PADI3: variants seen among roughly 807,000 people sequenced by gnomAD.
PADI3 encodes the protein protein-arginine deiminase type-3.
Under a neutral mutation model 71.5 loss-of-function variants are expected in PADI3, and 53 were observed. The observed-to-expected ratio is 0.74, with a 90% CI of 0.59 to 0.93. PADI3 has a LOEUF of 0.93. Among genes scored for constraint, PADI3 ranks in the 40% least tolerant of loss-of-function variants. The pLI is 0.00. For missense variants in PADI3, 821 were observed against 868.0 expected, an observed-to-expected ratio of 0.95 and a Z score of 0.68; for synonymous variants, 361 against 347.5, an observed-to-expected ratio of 1.04 and a Z score of -0.43.
Position 17,267,898 on chromosome 1 carries a change from C to A in PADI3, c.588C>A (p.Asp196Glu). ...RTQGPAALFDDHKLVLHTSSY... is the reference protein window; with the variant it reads ...RTQGPAALFDEHKLVLHTSSY... ...AGGGCCCTGCAGCCCTCTTTGATGA[C>A]CACAAACTTGTCCTCCATACCTCCA... Residue 196 changes from aspartate to glutamate, a missense_variant, in exon 6 of 16, where the codon GAC becomes GAA. By Grantham distance (45) the Asp-to-Glu change is conservative. Coordinates refer to ENST00000375460, the MANE Select transcript of PADI3 (RefSeq NM_016233.2). The A allele has an allele frequency of 1.2e-6, 2 of 1,614,146 alleles. No homozygotes were observed. The highest frequency in any genetic ancestry group is 1.3e-5 in the African/African-American group (1 of 75,052).
At chr1:17,258,588 G>A (rs2073058188) in intron 1 of PADI3, among the ~76,000 whole-genome samples, 3 of 152,278 alleles carry the variant, frequency 2.0e-5, no homozygotes, top group Admixed American at 2.0e-4. Flanking sequence ...GAACAGCATG[G>A]GCTTGGAGTC....
At position 17,268,498 on chromosome 1, in the gene PADI3, C is replaced by CTTTTTTT. The variant is rs564947321; in HGVS notation, c.652+557_652+563dup. ...AAAAATGTATACAAGTAATAAGATG[C>CTTTTTTT]TTTTTTTTTTTTTTTTTTTTTTTTT... On this transcript the variant is annotated intron_variant, in intron 6 of 15. Coordinates refer to ENST00000375460, the MANE Select transcript of PADI3 (RefSeq NM_016233.2). Among the ~76,000 whole-genome samples, 141 of 89,416 alleles carry CTTTTTTT rather than the reference C, an allele frequency of 1.6e-3. 21 individuals are homozygous for CTTTTTTT. Among genetic ancestry groups the CTTTTTTT allele is most frequent in the African/African-American group, 5.8e-3 (124 of 21,226 alleles). 58.7% of individuals were successfully genotyped at this position (89,416 alleles called of 152,430 possible). A position where few individuals can be genotyped will look rare whatever the true frequency, so the allele number is the denominator to read the frequency against.
At chr1:17,254,196 G>A (rs2072999579) in intron 1 of PADI3, among the ~76,000 whole-genome samples, 1 of 152,168 alleles carries the variant, frequency 6.6e-6, no homozygotes, top group East Asian at 1.9e-4. Flanking sequence ...GGCTGGCAGC[G>A]TCGGCGGATC....
intron 1 of PADI3, among the ~76,000 whole-genome samples, 177 bp downstream of exon 1, chr1:17,249,406 T>C (rs970854290): frequency 1.3e-5 from 2 of 152,112 alleles, no homozygotes; most frequent in African/African-American, 4.8e-5. Flanking sequence ...CTGAAGACCT[T>C]AGCCAGGGAA....
At chr1:17,249,379 T>C (rs1356634850) in intron 1 of PADI3, 150 bp downstream of exon 1, 1 of 676,198 alleles carries the variant, frequency 1.5e-6, no homozygotes, top group East Asian at 2.7e-5. Context: ...GGTCCTCCTC[T>C]TGCTCTACTG....
At chr1:17,259,897 T>G (rs1401517858) in intron 2 of PADI3, 139 bp downstream of exon 2, 1 of 663,030 alleles carries the variant, frequency 1.5e-6, no homozygotes, top group Non-Finnish European at 2.5e-6. Context: ...ATACTGCTGA[T>G]TTTGAATCCC....
intron 4 of PADI3, among the ~76,000 whole-genome samples, chr1:17,266,269 C>A (rs1039558045): frequency 6.6e-6 from 1 of 152,096 alleles, no homozygotes; most frequent in Non-Finnish European, 1.5e-5. Context: ...GAACTTGGTG[C>A]CCTGGGAGTT....
At position 17,272,392 on chromosome 1, in the gene PADI3, C is replaced by T. The variant is rs186883780; in HGVS notation, c.1048-948C>T. On this transcript the variant is annotated intron_variant, in intron 9 of 15. Transcript: ENST00000375460. ...TCCAGTGAGAGGGTTTGGGGCAGGACTCTGGGGCACGATGGGCTGGGTTTA... is the reference window on the plus strand; with the variant it reads ...TCCAGTGAGAGGGTTTGGGGCAGGATTCTGGGGCACGATGGGCTGGGTTTA... 5.9e-3 allele frequency among the ~76,000 whole-genome samples: 901 copies of T among 152,356 alleles called. 7 individuals are homozygous for T. The highest frequency in any genetic ancestry group is 0.02 in the South Asian group (96 of 4,830).
rs573356595 is a variant in PADI3 at position 17,266,891 on chromosome 1, C to G, written c.526+55C>G. The G allele has an allele frequency of 4.4e-6, 6 of 1,354,522 alleles. No homozygotes were observed. The African/African-American group carries it at 7.1e-5, about 16-fold the overall frequency. The allele number at this position is 1,354,522 out of a possible 1,614,324, so 83.9% of individuals were successfully genotyped here. On this transcript the variant is annotated intron_variant, in intron 5 of 15. Coordinates refer to ENST00000375460, the MANE Select transcript of PADI3 (RefSeq NM_016233.2). ...TGTCCAGGGTCACTGCTCAGTTACC[C>G]CATGGGAGTTCCAACCCACAGGCGA...
At position 17,279,035 on chromosome 1, in the gene PADI3, G is replaced by A. The variant is rs189424945; in HGVS notation, c.1556-1315G>A. Among the ~76,000 whole-genome samples the A allele has an allele frequency of 1.2e-4, 19 of 152,284 alleles. 1 individual carries two copies. The highest frequency in any genetic ancestry group is 4.1e-4 in the African/African-American group (17 of 41,570). ...TTAGAAATCCTTAAATCCAAATTAT[G>A]TACCAGGCAGGGAGAAATGCCACCT... On this transcript the variant is annotated intron_variant, in intron 13 of 15. Transcript: ENST00000375460.
intron 4 of PADI3, 138 bp downstream of exon 4, chr1:17,265,858 C>G (rs1381865917): frequency 1.4e-5 from 10 of 710,534 alleles, no homozygotes; most frequent in Non-Finnish European, 2.5e-5. Flanking sequence ...AAACAGAAAC[C>G]AGGCATGGCT....
chr1:17,280,852 G>A (rs1021929094), intron 15 of PADI3, 56 bp downstream of exon 15: 7 of 1,593,772 alleles, frequency 4.4e-6, no homozygotes, highest in South Asian at 3.3e-5. Context: ...CTCTAAGCTC[G>A]AGAGAGGAAA....
chr1:17,270,361 T>A lies in PADI3; in HGVS notation c.781T>A (p.Phe261Ile). 6.2e-7 allele frequency: 1 copy of A among 1,613,954 alleles called. No homozygotes were observed. Residue 261 changes from phenylalanine to isoleucine, a missense_variant, in exon 7 of 16, where the codon TTC (phenylalanine) becomes ATC (isoleucine). Phe to Ile is a conservative substitution (Grantham distance 21, BLOSUM62 0). Transcript: ENST00000375460. ...AGGCCTGTCCTTCCCTGATGCCGGC[T>A]TCACAGGACTCATCTCCTTCCATGT... is the stretch of plus-strand genomic sequence containing the variant. ...VEGLSFPDAGFTGLISFHVTL... is the reference protein window; with the variant it reads ...VEGLSFPDAGITGLISFHVTL...
chr1:17,266,029 G>T (rs72646776), intron 4 of PADI3, among the ~76,000 whole-genome samples: 1 of 152,164 alleles, frequency 6.6e-6, no homozygotes, highest in Non-Finnish European at 1.5e-5. Context: ...CACATAGCAA[G>T]TATTTTAGGC....
At position 17,267,915 on chromosome 1, in the gene PADI3, A is replaced by C; in HGVS notation, c.605A>C (p.His202Pro). ...TTTGATGACCACAAACTTGTCCTCCATACCTCCAGCTATGATGCCAAACGG... is the reference window on the plus strand; with the variant it reads ...TTTGATGACCACAAACTTGTCCTCCCTACCTCCAGCTATGATGCCAAACGG... The part of the protein sequence containing the change: ...ALFDDHKLVL[H>P]TSSYDAKRAQ... The change falls in exon 6 of 16, where the codon CAT becomes CCT. Residue 202 changes from histidine to proline, a missense_variant. Coordinates refer to ENST00000375460, the MANE Select transcript of PADI3 (RefSeq NM_016233.2). 1 of 1,614,192 alleles carries C rather than the reference A, an allele frequency of 6.2e-7. No individual in the cohort carries two copies. The highest frequency in any genetic ancestry group is 1.1e-5 in the South Asian group (1 of 91,084).
At chr1:17,254,717 A>ATTTTTTTT (rs1247695105) in intron 1 of PADI3, among the ~76,000 whole-genome samples, 2 of 128,480 alleles carry the variant, frequency 1.6e-5, no homozygotes, top group Admixed American at 7.9e-5. Context: ...AGGCTCCAGC[A>ATTTTTTTT]TTTTTTTTTT....
chr1:17,274,947 GAC>G (rs1213179489), intron 11 of PADI3, among the ~76,000 whole-genome samples, 161 bp downstream of exon 11: 3 of 152,094 alleles, frequency 2.0e-5, no homozygotes, highest in Non-Finnish European at 2.9e-5. Flanking sequence ...GTGTTCACCA[GAC>G]ACAGTCCACA....
chr1:17,265,003 T>A (rs1441270688), intron 3 of PADI3, among the ~76,000 whole-genome samples: 1 of 128,856 alleles, frequency 7.8e-6, no homozygotes, highest in Non-Finnish European at 1.6e-5. Flanking sequence ...AGACCCTGTC[T>A]TGTCTCAAAA....
chr1:17,250,662 C>T (rs945930594), intron 1 of PADI3, among the ~76,000 whole-genome samples: 4 of 152,116 alleles, frequency 2.6e-5, no homozygotes, highest in African/African-American at 9.7e-5. Flanking sequence ...GAAGGGGCAG[C>T]CACGGAGGCT....
Sources: gnomAD v4.1 joint callset for allele counts (sites outside exome capture counted in the v4.1 genomes callset) on GRCh38, gnomAD v4.1.1 for gene constraint, MANE v1.5 for transcripts, NCBI Gene and HGNC (gene_info 2026-07-23, HGNC 2026-07-21) for gene names.